The following GPR139 variants were observed in gnomAD, a reference collection of about 807,000 sequenced individuals.
GPR139 encodes probable G protein-coupled receptor 139.
In GPR139, 12 loss-of-function variants were observed where a neutral mutation model predicts 25.8. The ratio of observed to expected loss-of-function variants is 0.47; its 90% confidence interval spans 0.30 to 0.75. GPR139 has a LOEUF of 0.75. Ranked by LOEUF, GPR139 falls within the 30% of genes least tolerant of loss-of-function variation. The pLI is 0.07. For missense variants in GPR139, 380 were observed against 450.2 expected (o/e 0.84, Z 1.41); for synonymous variants, 184 against 179.9 (o/e 1.02, Z -0.18).
chr16:20,050,661 A>T (rs1596467992), intron 1 of GPR139, among the ~76,000 whole-genome samples: 1 of 152,204 alleles, frequency 6.6e-6, no homozygotes, highest in East Asian at 1.9e-4. Context: ...TAGAGAAGTA[A>T]CAGTCCCTGA....
chr16:20,069,498 G>A lies in GPR139; in HGVS notation c.127+3992C>T, dbSNP rs17736779. Among the ~76,000 whole-genome samples the A allele has an allele frequency of 5.7e-3, 863 of 152,288 alleles. 6 individuals are homozygous for A. The highest frequency in any genetic ancestry group is 0.02 in the Middle Eastern group (6 of 294). On this transcript the variant is annotated intron_variant, in intron 1 of 1. Transcript: ENST00000570682. ...TTGACAACAATGGTAACTACCATGCGTCAGGCTTATTTACTATCTGCCAGG... is the reference window on the plus strand; with the variant it reads ...TTGACAACAATGGTAACTACCATGCATCAGGCTTATTTACTATCTGCCAGG...
At chr16:20,045,909 T>C (rs565095704) in intron 1 of GPR139, among the ~76,000 whole-genome samples, 2 of 152,296 alleles carry the variant, frequency 1.3e-5, no homozygotes, top group African/African-American at 4.8e-5. Context: ...TATTTGTTTT[T>C]GCTGTTTTGT....
At chr16:20,037,929 C>T (rs764726650) in intron 1 of GPR139, among the ~76,000 whole-genome samples, 2 of 152,086 alleles carry the variant, frequency 1.3e-5, no homozygotes, top group African/African-American at 4.8e-5. Context: ...GATGCGATCT[C>T]GGCTCACTGC....
chr16:20,057,556 C>G (rs2057394244), intron 1 of GPR139, among the ~76,000 whole-genome samples: 1 of 151,478 alleles, frequency 6.6e-6, no homozygotes, highest in African/African-American at 2.4e-5. Context: ...ATCCCTTCCT[C>G]CCTCCCTCCC....
intron 1 of GPR139, among the ~76,000 whole-genome samples, chr16:20,061,537 C>T (rs1444226444): frequency 6.6e-6 from 1 of 152,252 alleles, no homozygotes; most frequent in African/African-American, 2.4e-5. Flanking sequence ...TTTCTCTTCT[C>T]ATCCTTTTTG....
chr16:20,056,213 G>A (rs2057388025), intron 1 of GPR139, among the ~76,000 whole-genome samples: 1 of 152,186 alleles, frequency 6.6e-6, no homozygotes, highest in Non-Finnish European at 1.5e-5. Flanking sequence ...GACTGGGGTT[G>A]ATGAGCTTCC....
At position 20,073,738 on chromosome 16, in the gene GPR139, G is replaced by T. The variant is rs193231911; in HGVS notation, c.-122C>A. The stretch of plus-strand genomic sequence containing the variant: ...CTGGAGCAGCAGCGCCTCTCTCCCC[G>T]CAGGACTGGCTCCTACCCTTGGCCG... On this transcript the variant is annotated 5_prime_UTR_variant, in exon 1 of 2. Coordinates refer to ENST00000570682, the MANE Select transcript of GPR139 (RefSeq NM_001002911.4). The surrounding 1 kb of genome is among the most constrained non-coding windows in gnomAD (Gnocchi z 4.7). 7.2e-6 allele frequency: 9 copies of T among 1,245,008 alleles called. No homozygotes were observed. Among genetic ancestry groups the T allele is most frequent in the African/African-American group, 3.1e-5 (2 of 65,034 alleles). The allele number at this position is 1,245,008 out of a possible 1,614,324, so 77.1% of individuals were successfully genotyped here. A position where few individuals can be genotyped will look rare whatever the true frequency, so the allele number is the denominator to read the frequency against.
chr16:20,046,564 C>A (rs1347597386), intron 1 of GPR139, among the ~76,000 whole-genome samples: 1 of 152,146 alleles, frequency 6.6e-6, no homozygotes, highest in African/African-American at 2.4e-5. Flanking sequence ...GGGAAAGAGG[C>A]TACATGACCA....
In GPR139 at chr16:20,030,621, A is replaced by C. The variant is rs1356596239; in HGVS notation, c.*1114T>G. Among the ~76,000 whole-genome samples, 1 of 152,200 alleles carries C rather than the reference A, an allele frequency of 6.6e-6. No individual in the cohort carries two copies. Among genetic ancestry groups the C allele is most frequent in the Non-Finnish European group, 1.5e-5 (1 of 68,036 alleles). On this transcript the variant is annotated 3_prime_UTR_variant, in exon 2 of 2. Coordinates refer to ENST00000570682, the MANE Select transcript of GPR139 (RefSeq NM_001002911.4). ...CACCCCCTTTTGAGCCATGTGCGTC[A>C]AAGGGCAGACGAGGCGTCAGCATGG...
intron 1 of GPR139, among the ~76,000 whole-genome samples, chr16:20,043,961 G>C (rs1218482577): frequency 7.2e-6 from 1 of 138,566 alleles, no homozygotes; most frequent in Non-Finnish European, 1.6e-5. Context: ...CACTTTTCTA[G>C]CTGGTGCTTT....
At chr16:20,052,306 T>TC (rs1340589058) in intron 1 of GPR139, among the ~76,000 whole-genome samples, 1 of 152,128 alleles carries the variant, frequency 6.6e-6, no homozygotes, top group South Asian at 2.1e-4. Context: ...ACTTCCTTTT[T>TC]CCTCTGCGAT....
intron 1 of GPR139, among the ~76,000 whole-genome samples, chr16:20,044,730 C>T (rs887072037): frequency 2.0e-5 from 3 of 152,074 alleles, no homozygotes; most frequent in Non-Finnish European, 2.9e-5. Context: ...TAATACCAGG[C>T]AATACCTAAT....
Position 20,032,440 on chromosome 16 carries a change from A to G in GPR139, c.357T>C (p.Thr119=). Residue 119 remains threonine (T), a synonymous_variant, in exon 2 of 2, where the codon ACT becomes ACC. Transcript: ENST00000570682. ...TATACCTGTCAATGGTTAACGGTACAGTAATCCATATGGAGGTGTGGATGG... is the reference window on the plus strand; with the variant it reads ...TATACCTGTCAATGGTTAACGGTACGGTAATCCATATGGAGGTGTGGATGG... ...FSSIHTSIWI[T]VPLTIDRYIA... The G allele has an allele frequency of 6.2e-7, 1 of 1,614,206 alleles. No individual in the cohort carries two copies. The highest frequency in any genetic ancestry group is 8.5e-7 in the Non-Finnish European group (1 of 1,180,008).
At chr16:20,063,192 C>A (rs374216267) in intron 1 of GPR139, among the ~76,000 whole-genome samples, 1 of 152,272 alleles carries the variant, frequency 6.6e-6, no homozygotes, top group South Asian at 2.1e-4. Flanking sequence ...ATATAACCAC[C>A]CCAGATCACA....
In GPR139 at chr16:20,030,373, G is replaced by C. The variant is rs914005001; in HGVS notation, c.*1362C>G. Among the ~76,000 whole-genome samples the C allele has an allele frequency of 6.6e-6, 1 of 151,182 alleles. No individual in the cohort carries two copies. Among genetic ancestry groups the C allele is most frequent in the Admixed American group, 6.6e-5 (1 of 15,052 alleles). On this transcript the variant is annotated 3_prime_UTR_variant, in exon 2 of 2. Coordinates refer to ENST00000570682, the MANE Select transcript of GPR139 (RefSeq NM_001002911.4). ...GAATTCGAATACTGGGAATCTGAGGGAGAAGTTAAAAAAAAAAGAAGAAAA... is the reference window on the plus strand; with the variant it reads ...GAATTCGAATACTGGGAATCTGAGGCAGAAGTTAAAAAAAAAAGAAGAAAA...
At chr16:20,057,133 A>G (rs1186483398) in intron 1 of GPR139, among the ~76,000 whole-genome samples, 1 of 152,176 alleles carries the variant, frequency 6.6e-6, no homozygotes, top group East Asian at 1.9e-4. Flanking sequence ...CCTGAATACC[A>G]ATGTCTGCAG....
rs139521468 is a variant in GPR139, at chr16:20,053,640, C to T, written c.127+19850G>A. 4.7e-3 allele frequency among the ~76,000 whole-genome samples: 708 copies of T among 152,200 alleles called. 4 individuals carry two copies. Among genetic ancestry groups the T allele is most frequent in the African/African-American group, 0.016 (645 of 41,524 alleles). ...GTTGTGGGGACCTAAGGAGATAACG[C>T]ATGTGAAGTGGTTTTGCAGAGTGGA... On this transcript the variant is annotated intron_variant, in intron 1 of 1. Transcript: ENST00000570682.
In GPR139 at chr16:20,073,578, C is replaced by A. The variant is rs761668614; in HGVS notation, c.39G>T (p.Ser13=). Reference sequence around the variant, plus strand: ...CCGAGCCGGGGGACCACCAAGACAGCGAGCTGTTGGCTGCGAGGTGGGCGT... The same window carrying A: ...CCGAGCCGGGGGACCACCAAGACAGAGAGCTGTTGGCTGCGAGGTGGGCGT... ...HTHAHLAANS[S]LSWWSPGSAC... is the part of the protein sequence containing the mutation. The change falls in exon 1 of 2, where the codon TCG becomes TCT. Residue 13 remains serine (S), a synonymous_variant. Transcript: ENST00000570682. The surrounding 1 kb of genome is among the most constrained non-coding windows in gnomAD (Gnocchi z 4.7). The A allele has an allele frequency of 6.2e-6, 10 of 1,611,630 alleles. No homozygotes were observed. In the East Asian group the frequency reaches 6.7e-5, roughly 11 times the overall value.
At chr16:20,033,611 A>G (rs1014014999) in intron 1 of GPR139, among the ~76,000 whole-genome samples, 1 of 152,172 alleles carries the variant, frequency 6.6e-6, no homozygotes, top group Non-Finnish European at 1.5e-5. Context: ...TAGATTTAAA[A>G]TTGGAGGTGC....
Sources: gnomAD v4.1 joint callset for allele counts (sites outside exome capture counted in the v4.1 genomes callset) on GRCh38, gnomAD v4.1.1 for gene constraint, Gnocchi (gnomAD v3.1) non-coding constraint, MANE v1.5 for transcripts, NCBI Gene and HGNC (gene_info 2026-07-23, HGNC 2026-07-21) for gene names.